Variants in STRN3 observed in about 807,000 individuals in gnomAD.
STRN3 encodes the protein striatin-3.
Under a neutral mutation model 95.6 loss-of-function variants are expected in STRN3, and 29 were observed. That is an observed-to-expected ratio of 0.30 (90% confidence interval 0.23 to 0.41). The LOEUF (loss-of-function observed/expected upper bound fraction) is 0.41, where lower values mean the gene tolerates loss of function less well. STRN3 is among the 10% of genes least tolerant of loss of function. STRN3 has a pLI of 1.00. For synonymous variants in STRN3, 331 were observed against 357.6 expected, an observed-to-expected ratio of 0.93 and a Z score of 0.84; for missense variants, 890 against 972.1, an observed-to-expected ratio of 0.92 and a Z score of 1.12.
chr14:30,947,116 A>G lies in STRN3; in HGVS notation c.690T>C (p.Pro230=). 6.2e-7 allele frequency: 1 copy of G among 1,603,698 alleles called. No homozygotes were observed. Among genetic ancestry groups the G allele is most frequent in the South Asian group, 1.1e-5 (1 of 88,616 alleles). Residue 230 remains proline (P), a synonymous_variant, in exon 5 of 18, where the codon CCT becomes CCC. Coordinates refer to ENST00000357479, the MANE Select transcript of STRN3 (RefSeq NM_001083893.2). Reference sequence around the variant, plus strand: ...TTTTTATTTCTTGTCCCTTTTGCTTAGGAGATTCACCTCCATTCAGGATCT... The same window carrying G: ...TTTTTATTTCTTGTCCCTTTTGCTTGGGAGATTCACCTCCATTCAGGATCT... ...LEQILNGGES[P]KQKGQEIKRS...
chr14:30,982,494 G>C (rs1881460913), intron 1 of STRN3, among the ~76,000 whole-genome samples: 1 of 152,278 alleles, frequency 6.6e-6, no homozygotes, highest in South Asian at 2.1e-4. Flanking sequence ...ATTTTTAGTA[G>C]AAACAGGGTT....
chr14:30,965,051 G>T (rs1880415465), intron 1 of STRN3, among the ~76,000 whole-genome samples: 1 of 152,128 alleles, frequency 6.6e-6, no homozygotes, highest in African/African-American at 2.4e-5. Flanking sequence ...CATGTTATTT[G>T]ATGGAATTCA....
Position 30,963,307 on chromosome 14 carries a change from A to G in STRN3, c.283-7065T>C, listed in dbSNP as rs763911842. ...AACAAATCACCTAGCTCTAACACACATATGCAGAACACTTTACCCAACAAA... is the reference window on the plus strand; with the variant it reads ...AACAAATCACCTAGCTCTAACACACGTATGCAGAACACTTTACCCAACAAA... On this transcript the variant is annotated intron_variant, in intron 1 of 17. Coordinates refer to ENST00000357479, the MANE Select transcript of STRN3 (RefSeq NM_001083893.2). 7.2e-5 allele frequency among the ~76,000 whole-genome samples: 11 copies of G among 152,348 alleles called. 1 individual carries two copies. In the South Asian group the frequency reaches 1.7e-3, roughly 23 times the overall value.
Position 30,911,819 on chromosome 14 carries a change from G to C in STRN3, c.1556C>G (p.Ala519Gly). ...GTAGATAGGCTCTACATCTAAAGAG[G>C]CACTCCTAAAAGAGGGGGAAAAAGG... is the stretch of plus-strand genomic sequence containing the variant. ...LQKTVPAKKS[A>G]SLDVEPIYTF... is the part of the protein sequence containing the mutation. Residue 519 changes from alanine (A) to glycine (G), a missense_variant, in exon 12 of 18, where the codon GCC becomes GGC. Around this residue, in one of 3 missense-constraint regions of STRN3, gnomAD observed 357 missense variants for 422.8 expected, o/e 0.84. Coordinates refer to ENST00000357479, the MANE Select transcript of STRN3 (RefSeq NM_001083893.2). 1 of 1,606,072 alleles carries C rather than the reference G, an allele frequency of 6.2e-7. No homozygotes were observed. The highest frequency in any genetic ancestry group is 8.5e-7 in the Non-Finnish European group (1 of 1,177,542).
At chr14:30,948,145 TAC>T (rs1306820795) in intron 4 of STRN3, among the ~76,000 whole-genome samples, 1 of 152,198 alleles carries the variant, frequency 6.6e-6, no homozygotes, top group African/African-American at 2.4e-5. Context: ...GTAAGAACTC[TAC>T]ACAATTTTCA....
chr14:30,974,576 GA>G (rs1880992107), intron 1 of STRN3, among the ~76,000 whole-genome samples: 1 of 109,230 alleles, frequency 9.2e-6, no homozygotes, highest in Non-Finnish European at 1.9e-5. Flanking sequence ...AATTCATATG[GA>G]ATCTCAAGGA....
In STRN3 at chr14:30,916,156, T is replaced by C. The variant is rs186162297; in HGVS notation, c.1241-2499A>G. On this transcript the variant is annotated intron_variant, in intron 9 of 17. Transcript: ENST00000357479. ...GCAGCTACTCATCTGTTTGCCCTTA[T>C]TTCCCTGCAGAGGGAATTAATTTCT... is the stretch of plus-strand genomic sequence containing the variant. Among the ~76,000 whole-genome samples, 28 of 152,306 alleles carry C rather than the reference T, an allele frequency of 1.8e-4. No individual in the cohort carries two copies. In the East Asian group the frequency reaches 5.4e-3, roughly 29 times the overall value.
Position 31,026,294 on chromosome 14 carries a change from G to A in STRN3, c.-109C>T. ...CGGGGCGGAGGCCGGCCGGGAGAGG[G>A]GCGGGGAAGGGGTCGTTGCTGTGTG... On this transcript the variant is annotated 5_prime_UTR_variant, in exon 1 of 18. Coordinates refer to ENST00000357479, the MANE Select transcript of STRN3 (RefSeq NM_001083893.2). The A allele has an allele frequency of 8.3e-7, 1 of 1,201,068 alleles. No individual in the cohort carries two copies. Among genetic ancestry groups the A allele is most frequent in the Non-Finnish European group, 1.1e-6 (1 of 928,052 alleles). The allele number at this position is 1,201,068 out of a possible 1,614,324, so 74.4% of individuals were successfully genotyped here.
chr14:30,957,069 A>T (rs1879945984), intron 1 of STRN3, among the ~76,000 whole-genome samples: 1 of 152,186 alleles, frequency 6.6e-6, no homozygotes, highest in African/African-American at 2.4e-5. Flanking sequence ...GAGGCAGGAG[A>T]ATCGCTTGAA....
At chr14:30,981,492 A>T (rs532438414) in intron 1 of STRN3, among the ~76,000 whole-genome samples, 1 of 152,162 alleles carries the variant, frequency 6.6e-6, no homozygotes, top group East Asian at 1.9e-4. Flanking sequence ...ATTTTACATA[A>T]AGCAAAAAAT....
chr14:31,002,323 T>A (rs565599583), intron 1 of STRN3, among the ~76,000 whole-genome samples: 1 of 151,324 alleles, frequency 6.6e-6, no homozygotes, highest in Non-Finnish European at 1.5e-5. Context: ...AATACAAAAA[T>A]TAGCTGGGTG....
chr14:31,021,610 A>T (rs1020962423), intron 1 of STRN3, among the ~76,000 whole-genome samples: 1 of 152,228 alleles, frequency 6.6e-6, no homozygotes, highest in Admixed American at 6.5e-5. Flanking sequence ...ACATAATAAC[A>T]ACTGGGAACA....
chr14:30,990,622 G>C (rs1881909240), intron 1 of STRN3, among the ~76,000 whole-genome samples: 1 of 152,128 alleles, frequency 6.6e-6, no homozygotes, highest in African/African-American at 2.4e-5. Context: ...ACACAGCACA[G>C]ATTTCATCTG....
intron 1 of STRN3, among the ~76,000 whole-genome samples, chr14:31,000,660 A>G (rs917729156): frequency 2.6e-5 from 4 of 152,190 alleles, no homozygotes; most frequent in African/African-American, 7.2e-5. Flanking sequence ...TTTAAATAAT[A>G]ATGTTACACG....
intron 8 of STRN3, among the ~76,000 whole-genome samples, chr14:30,926,999 G>A (rs937306977): frequency 6.6e-6 from 1 of 151,874 alleles, no homozygotes; most frequent in Non-Finnish European, 1.5e-5. Context: ...GTGTACTAAG[G>A]TCCAATTAAA....
At chr14:30,911,506 T>G (rs1896608986) in intron 12 of STRN3, among the ~76,000 whole-genome samples, 4 of 152,084 alleles carry the variant, frequency 2.6e-5, no homozygotes, top group Admixed American at 2.6e-4. Context: ...TTTCACCATG[T>G]TGGCCAGGCT....
Position 30,911,834 on chromosome 14 carries a change from G to A in STRN3, c.1551-10C>T. ...ATCTAAAGAGGCACTCCTAAAAGAG[G>A]GGGAAAAAGGGTAGGGGAAGAGAAG... On this transcript the variant is annotated splice_polypyrimidine_tract_variant and intron_variant, in intron 11 of 17. Coordinates refer to ENST00000357479, the MANE Select transcript of STRN3 (RefSeq NM_001083893.2). The A allele has an allele frequency of 6.2e-7, 1 of 1,601,200 alleles. No homozygotes were observed. Among genetic ancestry groups the A allele is most frequent in the Non-Finnish European group, 8.5e-7 (1 of 1,176,084 alleles).
At chr14:30,962,009 T>C (rs1165380859) in intron 1 of STRN3, among the ~76,000 whole-genome samples, 2 of 152,208 alleles carry the variant, frequency 1.3e-5, no homozygotes, top group Admixed American at 6.5e-5. Flanking sequence ...AAGATATTGT[T>C]GTCATGGAAG....
At chr14:30,968,286 CAAAAAAA>C (rs71112363) in intron 1 of STRN3, among the ~76,000 whole-genome samples, 16 of 83,070 alleles carry the variant, frequency 1.9e-4, no homozygotes, top group South Asian at 1.2e-3. Context: ...TTATCATCTT[CAAAAAAA>C]AAAAAAAGAA....
Sources: allele counts gnomAD v4.1 joint callset (sites outside exome capture counted in the v4.1 genomes callset), GRCh38; gene constraint gnomAD v4.1.1; regional missense constraint gnomAD v4.1.1; transcripts MANE v1.5; gene names NCBI Gene and HGNC (gene_info 2026-07-23, HGNC 2026-07-21).